The following COL23A1 variants were observed in gnomAD, a reference collection of about 807,000 sequenced individuals.
COL23A1 encodes collagen type XXIII alpha 1 chain.
COL23A1 carries 97 observed loss-of-function variants against 99.3 expected under a neutral mutation model. The observed-to-expected ratio is 0.98, with a 90% CI of 0.83 to 1.16. COL23A1 has a LOEUF of 1.16. Ranked by LOEUF, COL23A1 falls within the 50% of genes most tolerant of loss-of-function variation. COL23A1 has a pLI of 0.00. For synonymous variants in COL23A1, 320 were observed against 308.2 expected (o/e 1.04, Z -0.40); for missense variants, 762 against 757.4 (o/e 1.01, Z -0.07).
intron 2 of COL23A1, among the ~76,000 whole-genome samples, chr5:178,374,238 C>T (rs1232614981): frequency 6.6e-6 from 1 of 152,116 alleles, no homozygotes; most frequent in Admixed American, 6.5e-5. Context: ...TTTGCTCCTC[C>T]CAGCCTCTGC....
chr5:178,407,318 T>G lies in COL23A1; in HGVS notation c.362-100399A>C, dbSNP rs569005978. Among the ~76,000 whole-genome samples the G allele has an allele frequency of 1.2e-4, 19 of 152,348 alleles. No homozygotes were observed. The East Asian group carries it at 3.1e-3, about 25-fold the overall frequency. ...CCTCCACCTGAAAGTAATGAAGTGG[T>G]GCTCCCTCCCCCTTTATCATCAGCA... On this transcript the variant is annotated intron_variant, in intron 2 of 28. Transcript: ENST00000390654.
chr5:178,489,243 C>T (rs1435292908), intron 2 of COL23A1, among the ~76,000 whole-genome samples: 3 of 152,218 alleles, frequency 2.0e-5, no homozygotes, highest in Non-Finnish European at 2.9e-5. Flanking sequence ...TCTTGCTTCC[C>T]CTCCCTTCTG....
rs1260076671 is a variant in COL23A1, at chr5:178,589,983, C to A, written c.215G>T (p.Arg72Leu). 1 of 1,339,784 alleles carries A rather than the reference C, an allele frequency of 7.5e-7. No homozygotes were observed. The highest frequency in any genetic ancestry group is 1.9e-5 in the South Asian group (1 of 52,590). The allele number at this position is 1,339,784 out of a possible 1,614,324, so 83.0% of individuals were successfully genotyped here. A position where few individuals can be genotyped will look rare whatever the true frequency, so the allele number is the denominator to read the frequency against. ...QGRVAALEEE[R>L]ELLRRAGPPG... ...CGGCCCCGCGCGCCGCAGCAGCTCC[C>A]GCTCCTCCTCGAGCGCCGCCACCCG... is the stretch of plus-strand genomic sequence containing the variant. The change falls in exon 1 of 29, where the codon CGG becomes CTG. Residue 72 changes from arginine (R) to leucine (L), a missense_variant. Arg to Leu is a moderately radical substitution (Grantham distance 102, BLOSUM62 -2). Coordinates refer to ENST00000390654, the MANE Select transcript of COL23A1 (RefSeq NM_173465.4). The surrounding 1 kb of genome is among the most constrained non-coding windows in gnomAD (Gnocchi z 5.4).
At chr5:178,298,589 C>T (rs892312617) in intron 3 of COL23A1, among the ~76,000 whole-genome samples, 6 of 152,192 alleles carry the variant, frequency 3.9e-5, no homozygotes, top group Non-Finnish European at 8.8e-5. Context: ...CCTGGACTCC[C>T]AACTTCCCCT....
chr5:178,368,008 G>A (rs1353236601), intron 2 of COL23A1, among the ~76,000 whole-genome samples: 4 of 152,228 alleles, frequency 2.6e-5, no homozygotes, highest in African/African-American at 7.2e-5. Context: ...GGAAATGCAC[G>A]GGGCCAGTGG....
At chr5:178,256,228 G>A (rs1765290030) in intron 15 of COL23A1, 125 bp downstream of exon 15, 3 of 612,918 alleles carry the variant, frequency 4.9e-6, no homozygotes, top group Non-Finnish European at 5.1e-6. Context: ...AGTTTAAAAA[G>A]TAAAATACTC....
chr5:178,509,140 G>C (rs1759049459), intron 2 of COL23A1, among the ~76,000 whole-genome samples: 1 of 152,118 alleles, frequency 6.6e-6, no homozygotes, highest in Admixed American at 6.5e-5. Flanking sequence ...CTGAGGGCTT[G>C]TCAGAAATGC....
chr5:178,364,218 A>C (rs1762330718), intron 2 of COL23A1, among the ~76,000 whole-genome samples: 1 of 152,106 alleles, frequency 6.6e-6, no homozygotes, highest in Non-Finnish European at 1.5e-5. Flanking sequence ...CTCCCGCCTA[A>C]GCCCACGTCC....
chr5:178,365,092 T>C lies in COL23A1; in HGVS notation c.362-58173A>G, dbSNP rs1400072592. Among the ~76,000 whole-genome samples, 1 of 152,170 alleles carries C rather than the reference T, an allele frequency of 6.6e-6. No individual in the cohort carries two copies. Among genetic ancestry groups the C allele is most frequent in the East Asian group, 1.9e-4 (1 of 5,156 alleles). ...ACCGTAGGGGCAATAACAATCTCTT[T>C]GTAATTTCTCTTTGGGGTGGGCTTT... On this transcript the variant is annotated intron_variant, in intron 2 of 28. Transcript: ENST00000390654. This position sits in a 1 kb window ranked among gnomAD's most constrained non-coding sequence, Gnocchi z 5.2.
intron 18 of COL23A1, among the ~76,000 whole-genome samples, chr5:178,249,708 ACACACACACT>A (rs1455697585): frequency 2.0e-5 from 2 of 100,736 alleles, no homozygotes; most frequent in African/African-American, 6.5e-5. Flanking sequence ...ACACACACAC[ACACACACACT>A]CTCTCTCTCT....
At chr5:178,545,062 C>T (rs6862756) in intron 2 of COL23A1, among the ~76,000 whole-genome samples, 307 of 151,826 alleles carry the variant, frequency 2.0e-3, no homozygotes, top group African/African-American at 5.6e-3. Flanking sequence ...CCAGCCTGGG[C>T]AACCGAGTGA....
chr5:178,381,243 T>G (rs1172009029), intron 2 of COL23A1, among the ~76,000 whole-genome samples: 1 of 152,226 alleles, frequency 6.6e-6, no homozygotes, highest in Admixed American at 6.5e-5. Flanking sequence ...AGAAGAACAG[T>G]TAAGCCAGCA....
At chr5:178,283,154 G>C (rs896204309) in intron 5 of COL23A1, among the ~76,000 whole-genome samples, 2 of 152,094 alleles carry the variant, frequency 1.3e-5, no homozygotes, top group African/African-American at 4.8e-5. Flanking sequence ...CAAAAGTGCT[G>C]GGATTACAGG....
At position 178,355,247 on chromosome 5, in the gene COL23A1, C is replaced by T. The variant is rs1025475365; in HGVS notation, c.362-48328G>A. ...AGTGAGCTAGGATCACACCACTGCT[C>T]TCCAGTCTGGGCCACAAAGAACCTC... On this transcript the variant is annotated intron_variant, in intron 2 of 28. Coordinates refer to ENST00000390654, the MANE Select transcript of COL23A1 (RefSeq NM_173465.4). 2.7e-5 allele frequency among the ~76,000 whole-genome samples: 4 copies of T among 149,470 alleles called. No individual in the cohort carries two copies. In the East Asian group the frequency reaches 5.9e-4, roughly 22 times the overall value.
At chr5:178,502,360 T>C (rs1210939332) in intron 2 of COL23A1, among the ~76,000 whole-genome samples, 6 of 152,204 alleles carry the variant, frequency 3.9e-5, no homozygotes, top group Non-Finnish European at 7.3e-5. Flanking sequence ...CTCGATCTTC[T>C]GACCTTGTGA....
intron 19 of COL23A1, among the ~76,000 whole-genome samples, chr5:178,248,825 T>C (rs1381222767): frequency 1.3e-5 from 2 of 152,150 alleles, no homozygotes; most frequent in Non-Finnish European, 2.9e-5. Flanking sequence ...TTGGGCAGTT[T>C]AGGTCAGAGC....
At chr5:178,583,360 A>G (rs1763756865) in intron 1 of COL23A1, among the ~76,000 whole-genome samples, 2 of 152,172 alleles carry the variant, frequency 1.3e-5, no homozygotes, top group African/African-American at 4.8e-5. Context: ...TTGGATGGTC[A>G]CCTACTGGTT....
At position 178,306,819 on chromosome 5, in the gene COL23A1, G is replaced by A; in HGVS notation, c.406+56C>T. The A allele has an allele frequency of 1.5e-6, 2 of 1,331,132 alleles. No homozygotes were observed. The highest frequency in any genetic ancestry group is 2.0e-6 in the Non-Finnish European group (2 of 1,005,430). 82.5% of individuals were successfully genotyped at this position (1,331,132 alleles called of 1,614,324 possible). On this transcript the variant is annotated intron_variant, in intron 3 of 28. Coordinates refer to ENST00000390654, the MANE Select transcript of COL23A1 (RefSeq NM_173465.4). The surrounding 1 kb of genome is among the most constrained non-coding windows in gnomAD (Gnocchi z 4.1). ...TGGCCAGGCCCTGCAGTCAGAGCCT[G>A]GGGCCATGGTGGCTTCCAAGCCTTG...
chr5:178,450,287 C>T (rs1448240480), intron 2 of COL23A1, among the ~76,000 whole-genome samples: 2 of 152,136 alleles, frequency 1.3e-5, no homozygotes, highest in Non-Finnish European at 2.9e-5. Context: ...GTAAGAAAAA[C>T]GTTAGGATGG....
Sources: gnomAD v4.1 joint callset for allele counts (sites outside exome capture counted in the v4.1 genomes callset) on GRCh38, gnomAD v4.1.1 for gene constraint, Gnocchi (gnomAD v3.1) non-coding constraint, MANE v1.5 for transcripts, NCBI Gene and HGNC (gene_info 2026-07-23, HGNC 2026-07-21) for gene names.